ZMYM2: variants seen among roughly 807,000 people sequenced by gnomAD.
ZMYM2 encodes the protein zinc finger MYM-type containing 2.
ZMYM2 carries 56 observed loss-of-function variants against 162.8 expected under a neutral mutation model. The observed-to-expected ratio is 0.34, with a 90% CI of 0.28 to 0.43. The LOEUF is 0.43. Among genes scored for constraint, ZMYM2 ranks in the 20% least tolerant of loss-of-function variants. The probability of loss-of-function intolerance (pLI) is 1.00; values close to 1 mark genes in which losing one functional copy is unlikely to be tolerated. For synonymous variants in ZMYM2, 510 were observed against 541.6 expected (o/e 0.94, Z 0.81); for missense variants, 1,275 against 1,621.8 (o/e 0.79, Z 3.67).
chr13:20,056,083 A>G (rs763747647), intron 14 of ZMYM2, among the ~76,000 whole-genome samples: 2 of 152,216 alleles, frequency 1.3e-5, no homozygotes, highest in Non-Finnish European at 2.9e-5. Flanking sequence ...GAACCTTTGA[A>G]ATGCCCTTGG....
At chr13:20,085,665 T>C (rs547983075) in intron 24 of ZMYM2, among the ~76,000 whole-genome samples, 157 bp from the exon 25 acceptor site, 31 of 152,250 alleles carry the variant, frequency 2.0e-4, no homozygotes, top group African/African-American at 7.0e-4. Context: ...GAAAATAACT[T>C]TGAGAATATT....
At chr13:20,020,335 AG>A (rs1951971561) in intron 7 of ZMYM2, among the ~76,000 whole-genome samples, 1 of 151,672 alleles carries the variant, frequency 6.6e-6, no homozygotes, top group Non-Finnish European at 1.5e-5. Flanking sequence ...CCTGGGTTCA[AG>A]CGATTCTCCT....
intron 4 of ZMYM2, 100 bp downstream of exon 4, chr13:20,003,235 C>A: frequency 7.3e-7 from 1 of 1,371,618 alleles, no homozygotes; most frequent in Non-Finnish European, 9.8e-7. Flanking sequence ...GGAAACTTCC[C>A]TATCAAGTCC....
chr13:20,052,411 G>GTTTTTT, intron 14 of ZMYM2, 100 bp downstream of exon 14: 1 of 1,037,020 alleles, frequency 9.6e-7, no homozygotes, highest in Non-Finnish European at 1.3e-6. Context: ...AATTTTTTTG[G>GTTTTTT]TTTTTTTTTT....
At chr13:19,981,724 A>T (rs1360825911) in intron 2 of ZMYM2, among the ~76,000 whole-genome samples, 2 of 152,120 alleles carry the variant, frequency 1.3e-5, no homozygotes, top group African/African-American at 4.8e-5. Context: ...TTATTTTCTT[A>T]AAATGTTTTC....
chr13:20,085,757 A>G, intron 24 of ZMYM2, 65 bp from the exon 25 acceptor site: 1 of 1,492,264 alleles, frequency 6.7e-7, no homozygotes, highest in East Asian at 2.3e-5. Flanking sequence ...TTATTCTTGA[A>G]AAAAGAAAAA....
chr13:20,066,789 A>G, intron 19 of ZMYM2, 62 bp from the exon 20 acceptor site: 1 of 1,422,320 alleles, frequency 7.0e-7, no homozygotes, highest in South Asian at 1.6e-5. Flanking sequence ...GATGGCTTGT[A>G]TAAAGTAATG....
At chr13:20,059,373 A>G in intron 15 of ZMYM2, 74 bp from the exon 16 acceptor site, 2 of 1,517,078 alleles carry the variant, frequency 1.3e-6, no homozygotes, top group African/African-American at 1.4e-5. Flanking sequence ...TTCTTTATCA[A>G]ATTATTTTAA....
chr13:19,917,450 TGTG>T, the ZMYM2 span, among the ~76,000 whole-genome samples: 1 of 151,162 alleles, frequency 6.6e-6, no homozygotes, highest in African/African-American at 2.4e-5. Context: ...ATTAGCTGGG[TGTG>T]GTGGTGCACG....
chr13:19,958,146 C>A (rs1247243683), upstream of ZMYM2, among the ~76,000 whole-genome samples: 2 of 152,212 alleles, frequency 1.3e-5, no homozygotes, highest in Non-Finnish European at 2.9e-5. Context: ...CCAGCGCGGT[C>A]GGGATTCCAG....
chr13:19,864,738 A>G, the ZMYM2 span: 3 of 152,290 alleles, frequency 2.0e-5, no homozygotes, highest in Non-Finnish European at 4.4e-5. Context: ...AGCCCGCTCT[A>G]TCGCGGGGCG....
rs1852784534 is a variant in ZMYM2 at position 20,061,079 on chromosome 13, T to C, written c.2766T>C (p.Ala922=). 1 of 1,611,996 alleles carries C rather than the reference T, an allele frequency of 6.2e-7. No individual in the cohort carries two copies. Among genetic ancestry groups the C allele is most frequent in the Admixed American group, 1.7e-5 (1 of 59,740 alleles). ...TGCCAGTTCCTGTTTTTCTGCCTGCTCCATTGGACAGCAGTGAGAAGATTC... is the reference window on the plus strand; with the variant it reads ...TGCCAGTTCCTGTTTTTCTGCCTGCCCCATTGGACAGCAGTGAGAAGATTC... The part of the protein sequence containing the change: ...VPVPVPVFLP[A]PLDSSEKIPA... The change falls in exon 17 of 25, where the codon GCT becomes GCC. Residue 922 remains alanine (A), a synonymous_variant. Coordinates refer to ENST00000610343, the MANE Select transcript of ZMYM2 (RefSeq NM_197968.4).
chr13:19,867,761 C>T, the ZMYM2 span, among the ~76,000 whole-genome samples: 3 of 152,056 alleles, frequency 2.0e-5, no homozygotes, highest in Admixed American at 6.6e-5. Context: ...GAGTAGCTGG[C>T]ATTACAGGCA....
At chr13:19,922,391 T>G in the ZMYM2 span, among the ~76,000 whole-genome samples, 1 of 152,194 alleles carries the variant, frequency 6.6e-6, no homozygotes, top group East Asian at 1.9e-4. Context: ...AATTTATAAC[T>G]ACTTGTGGCA....
intron 2 of ZMYM2, among the ~76,000 whole-genome samples, chr13:19,962,852 GTCTC>G (rs1955398840): frequency 8.7e-6 from 1 of 114,566 alleles, no homozygotes; most frequent in African/African-American, 3.2e-5. Context: ...TTGAGACAGA[GTCTC>G]TGTCATCCAG....
chr13:19,992,750 T>C (rs903240012), intron 2 of ZMYM2, among the ~76,000 whole-genome samples: 1 of 151,832 alleles, frequency 6.6e-6, no homozygotes, highest in African/African-American at 2.4e-5. Flanking sequence ...ATGGAGTAAA[T>C]AGTGTACCCC....
the ZMYM2 span, among the ~76,000 whole-genome samples, chr13:19,898,927 C>G: frequency 6.6e-6 from 1 of 151,188 alleles, no homozygotes; most frequent in East Asian, 1.9e-4. Flanking sequence ...AGCAAGACCC[C>G]ACTTCTTTTT....
At chr13:19,923,634 C>G in the ZMYM2 span, among the ~76,000 whole-genome samples, 2 of 140,070 alleles carry the variant, frequency 1.4e-5, no homozygotes, top group African/African-American at 2.6e-5. Flanking sequence ...GTCAGGATTA[C>G]AAGTGTGAAC....
At chr13:19,986,003 A>G (rs750847348) in intron 2 of ZMYM2, among the ~76,000 whole-genome samples, 5 of 152,142 alleles carry the variant, frequency 3.3e-5, no homozygotes, top group Non-Finnish European at 5.9e-5. Flanking sequence ...TCAGGGCAAC[A>G]TGGCAAAACC....
Sources: gnomAD v4.1 joint callset for allele counts (sites outside exome capture counted in the v4.1 genomes callset) on GRCh38, gnomAD v4.1.1 for gene constraint, MANE v1.5 for transcripts, NCBI Gene and HGNC (gene_info 2026-07-23, HGNC 2026-07-21) for gene names.